The following RABL3 variants were observed in gnomAD, a reference collection of about 807,000 sequenced individuals.
RABL3 encodes the protein rab-like protein 3.
In RABL3, 31 loss-of-function variants were observed where a neutral mutation model predicts 31.8. That is an observed-to-expected ratio of 0.97 (90% CI 0.73 to 1.31). The LOEUF (loss-of-function observed/expected upper bound fraction) is 1.31, where lower values mean the gene tolerates loss of function less well. Ranked by LOEUF, RABL3 falls within the 40% of genes most tolerant of loss-of-function variation. The pLI is 0.00. For missense variants in RABL3, 263 were observed against 279.6 expected (o/e 0.94, Z 0.42); for synonymous variants, 97 against 99.9 (o/e 0.97, Z 0.18).
intron 7 of RABL3, 67 bp downstream of exon 7, chr3:120,690,382 G>C (rs767849238): frequency 1.7e-6 from 2 of 1,186,100 alleles, no homozygotes; most frequent in Non-Finnish European, 1.3e-6. Flanking sequence ...AACTACTTCT[G>C]AACTTAAATT....
chr3:120,712,774 A>G (rs867202681), intron 2 of RABL3, among the ~76,000 whole-genome samples: 2 of 152,232 alleles, frequency 1.3e-5, no homozygotes, highest in Non-Finnish European at 2.9e-5. Flanking sequence ...TTTATTAAAT[A>G]CATGAATAAA....
chr3:120,726,171 A>T (rs866907295), intron 2 of RABL3, among the ~76,000 whole-genome samples: 1 of 152,038 alleles, frequency 6.6e-6, no homozygotes, highest in Non-Finnish European at 1.5e-5. Context: ...GACTAGCAGT[A>T]TTTCCTATTG....
At chr3:120,704,569 G>C (rs1249531599) in intron 4 of RABL3, among the ~76,000 whole-genome samples, 1 of 152,128 alleles carries the variant, frequency 6.6e-6, no homozygotes, top group African/African-American at 2.4e-5. Flanking sequence ...GTTGCTGCCA[G>C]TGCGAAAAGG....
At position 120,709,694 on chromosome 3, in the gene RABL3, T is replaced by G. The variant is rs1240469083; in HGVS notation, c.268+86A>C. The stretch of plus-strand genomic sequence containing the variant: ...ACATTATATCTTTCTCAAATTAAGA[T>G]GAGTCTGGCATGCTATGGCATTACA... On this transcript the variant is annotated intron_variant, in intron 3 of 7. Coordinates refer to ENST00000273375, the MANE Select transcript of RABL3 (RefSeq NM_173825.5). 19 of 974,156 alleles carry G rather than the reference T, an allele frequency of 2.0e-5. No individual in the cohort carries two copies. The East Asian group carries it at 2.0e-4, about 10-fold the overall frequency. 60.3% of individuals were successfully genotyped at this position (974,156 alleles called of 1,614,324 possible).
At chr3:120,723,253 A>T (rs1164052576) in intron 2 of RABL3, among the ~76,000 whole-genome samples, 1 of 152,260 alleles carries the variant, frequency 6.6e-6, no homozygotes, top group African/African-American at 2.4e-5. Flanking sequence ...ACCAGGAAGA[A>T]GTTGAACCTC....
rs1708303901 is a variant in RABL3, at chr3:120,686,012, G to A, written c.*3811C>T. Among the ~76,000 whole-genome samples, 1 of 152,168 alleles carries A rather than the reference G, an allele frequency of 6.6e-6. No homozygotes were observed. The highest frequency in any genetic ancestry group is 2.4e-5 in the African/African-American group (1 of 41,430). On this transcript the variant is annotated 3_prime_UTR_variant, in exon 8 of 8. Transcript: ENST00000273375. ...AGGTGCAGATTAATTGTAACTGGATGTCCAATTCCTTTACTATGCTATGGA... is the reference window on the plus strand; with the variant it reads ...AGGTGCAGATTAATTGTAACTGGATATCCAATTCCTTTACTATGCTATGGA...
At chr3:120,690,371 A>C in intron 7 of RABL3, 78 bp downstream of exon 7, 1 of 1,080,498 alleles carries the variant, frequency 9.3e-7, no homozygotes, top group Admixed American at 1.9e-5. Context: ...CAACTTTTTA[A>C]AACTACTTCT....
At chr3:120,716,773 A>T (rs913592415) in intron 2 of RABL3, among the ~76,000 whole-genome samples, 1 of 152,242 alleles carries the variant, frequency 6.6e-6, no homozygotes, top group African/African-American at 2.4e-5. Context: ...TGCTACAGGT[A>T]ACAGTGCTCT....
intron 6 of RABL3, among the ~76,000 whole-genome samples, chr3:120,692,262 G>C (rs1387728793): frequency 1.3e-5 from 2 of 152,058 alleles, no homozygotes; most frequent in African/African-American, 4.8e-5. Context: ...GCAGTGGTGC[G>C]ATCTCGGCTC....
At chr3:120,730,644 A>G in intron 2 of RABL3, 52 bp downstream of exon 2, 1 of 1,170,394 alleles carries the variant, frequency 8.5e-7, no homozygotes, top group Non-Finnish European at 1.3e-6. Flanking sequence ...TGTAATTTGA[A>G]GCAGTTATCT....
At chr3:120,704,916 C>T (rs1453393529) in intron 4 of RABL3, among the ~76,000 whole-genome samples, 1 of 152,092 alleles carries the variant, frequency 6.6e-6, no homozygotes, top group Non-Finnish European at 1.5e-5. Flanking sequence ...ATCCCAGCTA[C>T]TTGGGAGGCC....
Position 120,720,774 on chromosome 3 carries a change from T to C in RABL3, c.138+9922A>G, listed in dbSNP as rs573898027. Among the ~76,000 whole-genome samples the C allele has an allele frequency of 1.4e-4, 22 of 152,244 alleles. 1 individual carries two copies. In the South Asian group the frequency reaches 3.1e-3, roughly 22 times the overall value. On this transcript the variant is annotated intron_variant, in intron 2 of 7. Coordinates refer to ENST00000273375, the MANE Select transcript of RABL3 (RefSeq NM_173825.5). ...GGAAAACACTCTGCAGGATATTATCTAGGAGAACTTCCCCAATCTAGCAAG... is the reference window on the plus strand; with the variant it reads ...GGAAAACACTCTGCAGGATATTATCCAGGAGAACTTCCCCAATCTAGCAAG...
chr3:120,697,505 A>G (rs1434275826), intron 5 of RABL3, among the ~76,000 whole-genome samples: 1 of 152,254 alleles, frequency 6.6e-6, no homozygotes, highest in Non-Finnish European at 1.5e-5. Context: ...GCACAGTTGC[A>G]GAAATCCTAT....
Position 120,723,125 on chromosome 3 carries a change from G to C in RABL3, c.138+7571C>G, listed in dbSNP as rs556424828. 2.0e-5 allele frequency among the ~76,000 whole-genome samples: 3 copies of C among 152,196 alleles called. No individual in the cohort carries two copies. In the East Asian group the frequency reaches 5.8e-4, roughly 29 times the overall value. The stretch of plus-strand genomic sequence containing the variant: ...AAATGATAAAGGGGATATCACCACC[G>C]ATCCCACAGAAATACAAACTACCAT... On this transcript the variant is annotated intron_variant, in intron 2 of 7. Transcript: ENST00000273375.
chr3:120,707,554 A>G (rs56205540), intron 3 of RABL3, among the ~76,000 whole-genome samples: 1 of 152,100 alleles, frequency 6.6e-6, no homozygotes, highest in East Asian at 1.9e-4. Context: ...CCTTGGGCAC[A>G]TGGTAAGTCA....
intron 3 of RABL3, among the ~76,000 whole-genome samples, chr3:120,707,913 G>A (rs1034828696): frequency 6.6e-6 from 1 of 152,072 alleles, no homozygotes; most frequent in Non-Finnish European, 1.5e-5. Flanking sequence ...TGAGATGAAA[G>A]GAGTCAGGGT....
At chr3:120,737,005 G>A (rs970766335) in intron 1 of RABL3, among the ~76,000 whole-genome samples, 1 of 152,150 alleles carries the variant, frequency 6.6e-6, no homozygotes, top group Non-Finnish European at 1.5e-5. Flanking sequence ...TACATGTCTT[G>A]GAGTTGCTCC....
chr3:120,698,886 C>G (rs1708466684), intron 4 of RABL3, among the ~76,000 whole-genome samples: 1 of 152,154 alleles, frequency 6.6e-6, no homozygotes, highest in African/African-American at 2.4e-5. Flanking sequence ...GACTTAACTT[C>G]CAATGTAGCT....
At chr3:120,707,104 C>T (rs1187657576) in intron 3 of RABL3, among the ~76,000 whole-genome samples, 1 of 152,132 alleles carries the variant, frequency 6.6e-6, no homozygotes, top group Non-Finnish European at 1.5e-5. Flanking sequence ...ATTCCTCCAT[C>T]TTCAAGAGGT....
Sources: gnomAD v4.1 joint callset for allele counts (sites outside exome capture counted in the v4.1 genomes callset) on GRCh38, gnomAD v4.1.1 for gene constraint, MANE v1.5 for transcripts, NCBI Gene and HGNC (gene_info 2026-07-23, HGNC 2026-07-21) for gene names.